TP63: variants seen among roughly 807,000 people sequenced by gnomAD.
The protein encoded by TP63 is tumor protein p63, also known as tumor protein 63.
TP63 carries 17 observed loss-of-function variants against 82.8 expected under a neutral mutation model. That is an observed-to-expected ratio of 0.21 (90% CI 0.14 to 0.31). TP63 has a LOEUF of 0.31. Ranked by LOEUF, TP63 falls within the 10% of genes least tolerant of loss-of-function variation. TP63 has a pLI of 1.00. For missense variants in TP63, 648 were observed against 895.3 expected (o/e 0.72, Z 3.52); for synonymous variants, 330 against 321.7 (o/e 1.03, Z -0.28).
upstream of TP63, among the ~76,000 whole-genome samples, chr3:189,628,471 G>A (rs546886126): frequency 3.9e-5 from 6 of 152,104 alleles, no homozygotes; most frequent in African/African-American, 1.2e-4. Context: ...GAAGAACAAA[G>A]TGTCCCTTTC....
chr3:189,833,253 C>T (rs1401767488), intron 4 of TP63, among the ~76,000 whole-genome samples: 2 of 152,146 alleles, frequency 1.3e-5, no homozygotes, highest in Non-Finnish European at 2.9e-5. Context: ...ATAGTGATGG[C>T]CTCAAGAAGA....
At chr3:189,750,596 T>C (rs1388490188) in intron 3 of TP63, among the ~76,000 whole-genome samples, 1 of 151,878 alleles carries the variant, frequency 6.6e-6, no homozygotes, top group East Asian at 1.9e-4. Flanking sequence ...CATGAACATG[T>C]AAAATATTAT....
chr3:189,675,376 A>C (rs35913385), intron 1 of TP63, among the ~76,000 whole-genome samples: 21,007 of 152,092 alleles, frequency 0.14, 1,677 homozygotes, highest in East Asian at 0.29. Flanking sequence ...ATGATACAAA[A>C]TAGAAAAAAA....
chr3:189,859,684 T>G (rs1716762100), intron 4 of TP63, among the ~76,000 whole-genome samples: 1 of 152,186 alleles, frequency 6.6e-6, no homozygotes, highest in Non-Finnish European at 1.5e-5. Context: ...ATCATATTCC[T>G]AGGTATTCAA....
intron 1 of TP63, among the ~76,000 whole-genome samples, chr3:189,736,789 A>G (rs1398839389): frequency 2.1e-5 from 3 of 144,312 alleles, no homozygotes; most frequent in African/African-American, 2.6e-5. Flanking sequence ...AATTTTAAGA[A>G]GATGATTGAC....
At chr3:189,757,283 G>T (rs80281161) in intron 3 of TP63, among the ~76,000 whole-genome samples, 1 of 152,256 alleles carries the variant, frequency 6.6e-6, no homozygotes, top group Admixed American at 6.5e-5. Flanking sequence ...GCTATTATCA[G>T]AGGTGGTGTG....
At chr3:189,618,299 G>A in the TP63 span, among the ~76,000 whole-genome samples, 6 of 152,318 alleles carry the variant, frequency 3.9e-5, no homozygotes, top group African/African-American at 1.4e-4. Flanking sequence ...ATGGGCTCAG[G>A]TCAAAGAATC....
At chr3:189,814,272 A>G (rs1286029959) in intron 4 of TP63, among the ~76,000 whole-genome samples, 3 of 152,206 alleles carry the variant, frequency 2.0e-5, no homozygotes, top group Non-Finnish European at 4.4e-5. Context: ...ATCAAAGGAC[A>G]AGATGTACAG....
At position 189,895,731 on chromosome 3, in the gene TP63, CCTATT is replaced by C. The variant is rs571528044; in HGVS notation, c.*1234_*1238del. 1.4e-3 allele frequency: 321 copies of C among 229,038 alleles called. 3 individuals are homozygous for C. Among genetic ancestry groups the C allele is most frequent in the African/African-American group, 6.8e-3 (307 of 45,274 alleles). The allele number at this position is 229,038 out of a possible 1,614,324, so 14.2% of individuals were successfully genotyped here. On this transcript the variant is annotated 3_prime_UTR_variant, in exon 14 of 14. Coordinates refer to ENST00000264731, the MANE Select transcript of TP63 (RefSeq NM_003722.5). ...GGTAAATGTTTCTTTTAAAGACCCT[CCTATT>C]CTATAAAACTCTGCATGTAGAGGCT...
At chr3:189,766,183 G>A (rs1722948419) in intron 3 of TP63, among the ~76,000 whole-genome samples, 1 of 152,126 alleles carries the variant, frequency 6.6e-6, no homozygotes, top group African/African-American at 2.4e-5. Flanking sequence ...GGCCAACATA[G>A]CAAGACCTCA....
intron 4 of TP63, among the ~76,000 whole-genome samples, chr3:189,855,083 C>G (rs911496856): frequency 2.6e-5 from 4 of 151,998 alleles, no homozygotes; most frequent in Non-Finnish European, 5.9e-5. Context: ...TCCCAAAATG[C>G]AAACAATAGG....
At chr3:189,756,424 G>A (rs1175815816) in intron 3 of TP63, among the ~76,000 whole-genome samples, 1 of 152,250 alleles carries the variant, frequency 6.6e-6, no homozygotes, top group African/African-American at 2.4e-5. Context: ...TATAGCCAAT[G>A]GGAAGGCAGC....
intron 1 of TP63, among the ~76,000 whole-genome samples, chr3:189,719,358 A>C (rs989854280): frequency 4.6e-5 from 7 of 152,180 alleles, no homozygotes; most frequent in African/African-American, 1.7e-4. Context: ...CATGATGCTC[A>C]GTTGGCTCTC....
At chr3:189,846,611 GGTGTGTGTGTGTGT>G (rs71861936) in intron 4 of TP63, among the ~76,000 whole-genome samples, 5,021 of 141,236 alleles carry the variant, frequency 0.036, 132 homozygotes, top group Non-Finnish European at 0.049. Context: ...TGGCCAGTAG[GGTGTGTGTGTGTGT>G]GTGTGTGTGT....
intron 4 of TP63, among the ~76,000 whole-genome samples, chr3:189,838,654 A>G (rs1713501816): frequency 6.6e-6 from 1 of 152,150 alleles, no homozygotes; most frequent in Admixed American, 6.5e-5. Flanking sequence ...ATTATCAACG[A>G]TGGAAATAGA....
intron 4 of TP63, among the ~76,000 whole-genome samples, chr3:189,828,487 G>A (rs1254449755): frequency 6.6e-6 from 1 of 152,070 alleles, no homozygotes; most frequent in Non-Finnish European, 1.5e-5. Flanking sequence ...CAAGGTTTGG[G>A]GCCTTTTTGG....
rs1721312256 is a variant in TP63, at chr3:189,894,365, G to A, written c.1906G>A (p.Glu636Lys). 1.2e-6 allele frequency: 2 copies of A among 1,613,914 alleles called. No individual in the cohort carries two copies. The highest frequency in any genetic ancestry group is 1.3e-5 in the African/African-American group (1 of 74,882). Residue 636 changes from glutamate (E) to lysine (K), a missense_variant, in exon 14 of 14, where the codon GAG becomes AAG. This residue lies in a region of TP63 where 342 missense variants were observed against 425.7 expected (regional missense o/e 0.80). Transcript: ENST00000264731. ...TGTGGGCTCCAGTGAGACCCGGGGT[G>A]AGCGTGTTATTGATGCTGTGCGATT... ...VSVGSSETRG[E>K]RVIDAVRFTL... is the part of the protein sequence containing the mutation.
intron 3 of TP63, among the ~76,000 whole-genome samples, chr3:189,791,587 ATGC>A (rs1359168619): frequency 6.6e-6 from 1 of 152,098 alleles, no homozygotes; most frequent in Non-Finnish European, 1.5e-5. Flanking sequence ...TTCTATTGGA[ATGC>A]TGCTAAGGTC....
chr3:189,840,366 T>A (rs866303948), intron 4 of TP63, among the ~76,000 whole-genome samples: 1 of 137,698 alleles, frequency 7.3e-6, no homozygotes, highest in Non-Finnish European at 1.6e-5. Flanking sequence ...CGTCTTTTTT[T>A]TTTTTTTTTT....
Sources: gnomAD v4.1 joint callset for allele counts (sites outside exome capture counted in the v4.1 genomes callset) on GRCh38, gnomAD v4.1.1 for gene constraint, gnomAD v4.1.1 regional missense constraint, MANE v1.5 for transcripts, NCBI Gene and HGNC (gene_info 2026-07-23, HGNC 2026-07-21) for gene names.